TLL1: variants seen among roughly 807,000 people sequenced by gnomAD.
TLL1 encodes tolloid-like protein 1.
A neutral mutation model predicts 128.2 loss-of-function variants in TLL1; 49 were observed. The observed-to-expected ratio is 0.38, with a 90% CI of 0.30 to 0.48. The LOEUF (loss-of-function observed/expected upper bound fraction) is 0.48. Ranked by LOEUF, TLL1 falls within the 20% of genes least tolerant of loss-of-function variation. TLL1 has a pLI of 0.96. For missense variants in TLL1, 1,123 were observed against 1,242.0 expected (o/e 0.90, Z 1.44); for synonymous variants, 454 against 418.8 (o/e 1.08, Z -1.03).
At chr4:166,071,494 G>A (rs28636651) in intron 16 of TLL1, among the ~76,000 whole-genome samples, 31,061 of 151,726 alleles carry the variant, frequency 0.2, 3,473 homozygotes, top group East Asian at 0.4. Context: ...CTAGCACTAA[G>A]TAAAACACTT....
intron 10 of TLL1, among the ~76,000 whole-genome samples, chr4:166,040,930 G>A (rs1436041926): frequency 1.3e-5 from 2 of 152,104 alleles, no homozygotes; most frequent in African/African-American, 4.8e-5. Flanking sequence ...TAGAATTATT[G>A]CATGTGCTTT....
intron 19 of TLL1, among the ~76,000 whole-genome samples, chr4:166,098,653 A>T (rs1326010052): frequency 6.6e-6 from 1 of 152,068 alleles, no homozygotes; most frequent in African/African-American, 2.4e-5. Flanking sequence ...GTTTTTCCCC[A>T]TCAAGTGAGA....
At chr4:166,007,027 G>A (rs889658072) in intron 6 of TLL1, among the ~76,000 whole-genome samples, 3 of 151,578 alleles carry the variant, frequency 2.0e-5, no homozygotes, top group Non-Finnish European at 4.4e-5. Flanking sequence ...AAGTGAATTT[G>A]GAATTCCTTT....
intron 1 of TLL1, among the ~76,000 whole-genome samples, chr4:165,902,744 A>G (rs1039820750): frequency 2.0e-5 from 3 of 152,308 alleles, no homozygotes; most frequent in African/African-American, 4.8e-5. Context: ...CACCAAGTAT[A>G]GTCTTTTCAA....
At chr4:165,935,658 A>G (rs1202808254) in intron 1 of TLL1, among the ~76,000 whole-genome samples, 1 of 152,174 alleles carries the variant, frequency 6.6e-6, no homozygotes, top group Non-Finnish European at 1.5e-5. Context: ...CTTGATTTTT[A>G]TAATAACCAC....
At chr4:165,882,280 A>T (rs1730997811) in intron 1 of TLL1, among the ~76,000 whole-genome samples, 1 of 152,164 alleles carries the variant, frequency 6.6e-6, no homozygotes. Flanking sequence ...GGGTATTATA[A>T]TTTTTTTGAA....
Position 166,099,626 on chromosome 4 carries a change from C to CA in TLL1, c.2907+115dup, listed in dbSNP as rs34057891. On this transcript the variant is annotated intron_variant, in intron 20 of 20. Coordinates refer to ENST00000061240, the MANE Select transcript of TLL1 (RefSeq NM_012464.5). Reference sequence around the variant, plus strand: ...ATTCACAAGTTGGCAATGCTTTTTGCAAAAAAAAAAAAAAAAGGCTACATT... The same window carrying CA: ...ATTCACAAGTTGGCAATGCTTTTTGCAAAAAAAAAAAAAAAAAGGCTACATT... 0.18 allele frequency: 168,313 copies of CA among 953,312 alleles called. 4,783 individuals carry two copies. Among genetic ancestry groups the CA allele is most frequent in the African/African-American group, 0.19 (8,832 of 45,676 alleles). The allele number at this position is 953,312 out of a possible 1,614,324, so 59.1% of individuals were successfully genotyped here.
At chr4:165,974,098 C>G (rs1457168243) in intron 1 of TLL1, among the ~76,000 whole-genome samples, 1 of 144,514 alleles carries the variant, frequency 6.9e-6, no homozygotes, top group Non-Finnish European at 1.5e-5. Context: ...GCCAACTGCA[C>G]TCTGTAACTC....
rs77436893 is a variant in TLL1, at chr4:166,064,502, T to C, written c.2008-1181T>C. Among the ~76,000 whole-genome samples, 841 of 152,244 alleles carry C rather than the reference T, an allele frequency of 5.5e-3. 8 individuals are homozygous for C. Among genetic ancestry groups the C allele is most frequent in the African/African-American group, 0.019 (806 of 41,564 alleles). On this transcript the variant is annotated intron_variant, in intron 15 of 20. Coordinates refer to ENST00000061240, the MANE Select transcript of TLL1 (RefSeq NM_012464.5). Reference sequence around the variant, plus strand: ...TGGCTGTTTACAAACTGTGTTAACATATTCTTGTGTTCTTTAATTTATAAT... The same window carrying C: ...TGGCTGTTTACAAACTGTGTTAACACATTCTTGTGTTCTTTAATTTATAAT...
rs181535092 is a variant in TLL1, at chr4:165,906,202, G to A, written c.169+32129G>A. On this transcript the variant is annotated intron_variant, in intron 1 of 20. Transcript: ENST00000061240. ...GATAGTGTGAGCCTCTAGAAAGCCT[G>A]AAATATTTATTTTTCGGCCCTTTAA... Among the ~76,000 whole-genome samples the A allele has an allele frequency of 1.2e-3, 179 of 152,262 alleles. 1 individual carries two copies. The highest frequency in any genetic ancestry group is 2.1e-3 in the Non-Finnish European group (145 of 68,024).
At chr4:166,091,865 TTTACTC>T (rs1264967122) in intron 19 of TLL1, among the ~76,000 whole-genome samples, 3 of 152,050 alleles carry the variant, frequency 2.0e-5, no homozygotes, top group Non-Finnish European at 2.9e-5. Context: ...TACTCTCTAA[TTTACTC>T]TTACAGATTT....
rs2110880444 is a variant in TLL1 at position 165,916,138 on chromosome 4, C to G, written c.169+42065C>G. Among the ~76,000 whole-genome samples, 4 of 152,190 alleles carry G rather than the reference C, an allele frequency of 2.6e-5. No homozygotes were observed. In the Middle Eastern group the frequency reaches 0.014, roughly 518 times the overall value. On this transcript the variant is annotated intron_variant, in intron 1 of 20. Transcript: ENST00000061240. Reference sequence around the variant, plus strand: ...GAAGGGATCTTTGAGAGCAAATGATCAGATGATTTTCACCCGTTTGAAGAA... The same window carrying G: ...GAAGGGATCTTTGAGAGCAAATGATGAGATGATTTTCACCCGTTTGAAGAA...
At chr4:165,942,372 T>G (rs1188597638) in intron 1 of TLL1, among the ~76,000 whole-genome samples, 1 of 151,736 alleles carries the variant, frequency 6.6e-6, no homozygotes, top group Admixed American at 6.6e-5. Context: ...TCTGTCCACC[T>G]TAGGCTGAAC....
At chr4:166,061,434 G>A (rs1025112829) in intron 15 of TLL1, among the ~76,000 whole-genome samples, 19 of 151,660 alleles carry the variant, frequency 1.3e-4, no homozygotes, top group Admixed American at 3.9e-4. Flanking sequence ...TAGTAGAGAC[G>A]GGGTTTCACC....
chr4:166,059,678 G>T (rs1740206236), intron 14 of TLL1, among the ~76,000 whole-genome samples: 1 of 151,706 alleles, frequency 6.6e-6, no homozygotes. Context: ...TAATTCTGTA[G>T]TGGCCAAGGC....
intron 1 of TLL1, among the ~76,000 whole-genome samples, chr4:165,931,637 T>TGGAGC (rs1733526740): frequency 6.7e-6 from 1 of 148,792 alleles, no homozygotes; most frequent in African/African-American, 2.5e-5. Flanking sequence ...GAGAGTGGCG[T>TGGAGC]GAACCAGGGA....
chr4:166,062,194 G>C (rs917838832), intron 15 of TLL1, among the ~76,000 whole-genome samples: 1 of 152,076 alleles, frequency 6.6e-6, no homozygotes, highest in Non-Finnish European at 1.5e-5. Context: ...TTGTCGTGGA[G>C]ATGTGGGTTC....
At chr4:165,973,756 C>G (rs1735738296) in intron 1 of TLL1, among the ~76,000 whole-genome samples, 1 of 151,686 alleles carries the variant, frequency 6.6e-6, no homozygotes, top group South Asian at 2.1e-4. Context: ...ATCTGCACCT[C>G]CCAGGTACAA....
intron 9 of TLL1, among the ~76,000 whole-genome samples, chr4:166,026,754 G>A (rs1738515760): frequency 6.6e-6 from 1 of 151,662 alleles, no homozygotes; most frequent in Non-Finnish European, 1.5e-5. Context: ...CAAGAAAGAT[G>A]AAGAATAATA....
Sources: allele counts gnomAD v4.1 joint callset (sites outside exome capture counted in the v4.1 genomes callset), GRCh38; gene constraint gnomAD v4.1.1; transcripts MANE v1.5; gene names NCBI Gene and HGNC (gene_info 2026-07-23, HGNC 2026-07-21).